The following RABL6 variants were observed in gnomAD, a reference collection of about 807,000 sequenced individuals.
RABL6 encodes rab-like protein 6.
Under a neutral mutation model 72.9 loss-of-function variants are expected in RABL6, and 28 were observed. That is an observed-to-expected ratio of 0.38 (90% CI 0.28 to 0.53). The LOEUF (loss-of-function observed/expected upper bound fraction) is 0.53, where lower values mean the gene tolerates loss of function less well. RABL6 is among the 20% of genes least tolerant of loss of function. The pLI, the probability that RABL6 is intolerant of heterozygous loss-of-function variation, is 0.80. For missense variants in RABL6, 1,029 were observed against 1,008.4 expected (o/e 1.02, Z -0.28); for synonymous variants, 477 against 421.2 (o/e 1.13, Z -1.62).
intron 1 of RABL6, among the ~76,000 whole-genome samples, chr9:136,816,842 A>G (rs1214872632): frequency 1.3e-5 from 2 of 152,046 alleles, no homozygotes; most frequent in African/African-American, 4.8e-5. Flanking sequence ...GCCATATAGT[A>G]GGTGTGTATA....
intron 1 of RABL6, chr9:136,813,080 C>T: frequency 5.2e-6 from 2 of 387,588 alleles, no homozygotes; most frequent in Middle Eastern, 8.8e-4. Context: ...TTGGTGACTA[C>T]CCTTGCCCAA....
chr9:136,828,456 G>A, intron 3 of RABL6, 38 bp from the exon 4 acceptor site: 1 of 1,609,436 alleles, frequency 6.2e-7, no homozygotes, highest in Non-Finnish European at 8.5e-7. Flanking sequence ...CAAGGCCCAG[G>A]GGTTCCACCT....
intron 4 of RABL6, among the ~76,000 whole-genome samples, chr9:136,828,771 T>C (rs1848410957): frequency 6.6e-6 from 1 of 152,034 alleles, no homozygotes; most frequent in Non-Finnish European, 1.5e-5. Flanking sequence ...CTGACCCCTA[T>C]TTGCATTTGA....
intron 3 of RABL6, chr9:136,827,703 C>T (rs921457634): frequency 5.3e-5 from 8 of 152,296 alleles, no homozygotes; most frequent in African/African-American, 1.2e-4. Context: ...TGGGTTACAT[C>T]GTGGTGAGCA....
chr9:136,821,554 C>T, intron 1 of RABL6: 2 of 985,398 alleles, frequency 2.0e-6, no homozygotes, highest in Non-Finnish European at 2.4e-6. Flanking sequence ...GGCTGCTGCT[C>T]ATCTGGGGGG....
At chr9:136,822,334 CCCTTCCCTG>C (rs1350096626) in intron 1 of RABL6, among the ~76,000 whole-genome samples, 2 of 152,150 alleles carry the variant, frequency 1.3e-5, no homozygotes, top group African/African-American at 4.8e-5. Flanking sequence ...CAACCCGGCT[CCCTTCCCTG>C]GCTTCCCTGG....
chr9:136,828,430 T>C, intron 3 of RABL6, 64 bp from the exon 4 acceptor site: 1 of 1,559,848 alleles, frequency 6.4e-7, no homozygotes, highest in South Asian at 1.1e-5. Flanking sequence ...GGGGGGACCA[T>C]GCTCCTCCTA....
rs763256696 is a variant in RABL6, at chr9:136,837,404, G to A, written c.868G>A (p.Gly290Arg). 33 of 1,594,786 alleles carry A rather than the reference G, an allele frequency of 2.1e-5. No homozygotes were observed. The East Asian group carries it at 3.9e-4, about 19-fold the overall frequency. The change falls in exon 9 of 15, where the codon GGG (glycine) becomes AGG (arginine). Residue 290 changes from glycine to arginine, a missense_variant. Physicochemically the swap from Gly to Arg is moderately radical, Grantham distance 125. This residue lies in a region of RABL6 where 434 missense variants were observed against 536.1 expected (regional missense o/e 0.81). Coordinates refer to ENST00000311502, the MANE Select transcript of RABL6 (RefSeq NM_024718.5). Reference sequence around the variant, plus strand: ...CCATGCGTCCCCACTGGCGGCCAACGGGCAGAGCCCATCCCCGGGCTCCCA... The same window carrying A: ...CCATGCGTCCCCACTGGCGGCCAACAGGCAGAGCCCATCCCCGGGCTCCCA... ...RGHASPLAAN[G>R]QSPSPGSQSP...
Position 136,808,241 on chromosome 9 carries a change from G to A in RABL6, c.45G>A (p.Pro15=). Residue 15 remains proline, a synonymous_variant, in exon 1 of 15, where the codon CCG becomes CCA. Coordinates refer to ENST00000311502, the MANE Select transcript of RABL6 (RefSeq NM_024718.5). ...AGCTGGTGGGGTCGGACCAGGCCCC[G>A]GGCCGGGACAAGAACATCCCCGCCG... ...LKKLVGSDQA[P]GRDKNIPAGL... 17 of 1,564,716 alleles carry A rather than the reference G, an allele frequency of 1.1e-5. No individual in the cohort carries two copies. Among genetic ancestry groups the A allele is most frequent in the Non-Finnish European group, 1.4e-5 (16 of 1,157,164 alleles).
rs1429652469 is a variant in RABL6, at chr9:136,840,391, G to A, written c.2059G>A (p.Glu687Lys). The change falls in exon 15 of 15, where the codon GAG (glutamate) becomes AAG (lysine). Residue 687 changes from glutamate (E) to lysine (K), a missense_variant. Glu to Lys is a moderately conservative substitution (Grantham distance 56, BLOSUM62 1). Around this residue, in one of 2 missense-constraint regions of RABL6, gnomAD observed 595 missense variants for 472.4 expected, o/e 1.26. Coordinates refer to ENST00000311502, the MANE Select transcript of RABL6 (RefSeq NM_024718.5). ...CAAGGACAAGGAGGAGGGCAAGGAG[G>A]AGCGGCGACGGCGGCAGCAGCGGCC... The part of the protein sequence containing the change: ...KSKDKEEGKE[E>K]RRRRQQRPPR... The A allele has an allele frequency of 3.9e-6, 6 of 1,552,158 alleles. No homozygotes were observed. In the African/African-American group the frequency reaches 4.1e-5, roughly 11 times the overall value.
chr9:136,836,864 C>G, intron 8 of RABL6: 1 of 318,770 alleles, frequency 3.1e-6, no homozygotes, highest in South Asian at 2.6e-5. Flanking sequence ...TGTCCCCACC[C>G]TTTGGCACTG....
At chr9:136,821,580 A>G in intron 1 of RABL6, 1 of 985,332 alleles carries the variant, frequency 1.0e-6, no homozygotes, top group East Asian at 1.1e-4. Flanking sequence ...CGGCCGCCCG[A>G]CTGAGCCCAG....
At chr9:136,813,507 G>GT (rs1329865950) in intron 1 of RABL6, 23 of 440,590 alleles carry the variant, frequency 5.2e-5, no homozygotes, top group Middle Eastern at 4.3e-4. Flanking sequence ...TGTTCCCTGC[G>GT]TTTCTTCAGA....
intron 1 of RABL6, among the ~76,000 whole-genome samples, chr9:136,820,442 G>C (rs912506851): frequency 1.3e-5 from 2 of 151,564 alleles, no homozygotes; most frequent in African/African-American, 4.8e-5. Flanking sequence ...TGTGATCTTG[G>C]CTCACTGCAA....
rs558825871 is a variant in RABL6, at chr9:136,840,480, G to A, written c.2148G>A (p.Pro716=). The A allele has an allele frequency of 2.6e-4, 394 of 1,526,968 alleles. No homozygotes were observed. In the East Asian group the frequency reaches 2.9e-3, roughly 11 times the overall value. The allele number at this position is 1,526,968 out of a possible 1,614,324, so 94.6% of individuals were successfully genotyped here. A position where few individuals can be genotyped will look rare whatever the true frequency, so the allele number is the denominator to read the frequency against. ...AGGCTTTCCTGGGGGGCGGGGCCCC[G>A]GGCGGCCGCCACCCTGGGGGTGGCG... ...ELEAFLGGGA[P]GGRHPGGGDY... The change falls in exon 15 of 15, where the codon CCG becomes CCA. Residue 716 remains proline (P), a synonymous_variant. Transcript: ENST00000311502.
At chr9:136,824,326 GTTTTTTTTT>G (rs34760204) in intron 2 of RABL6, among the ~76,000 whole-genome samples, 8 of 75,056 alleles carry the variant, frequency 1.1e-4, no homozygotes, top group Non-Finnish European at 1.5e-4. Context: ...GTTTGGTTGG[GTTTTTTTTT>G]TTTTTTTTTT....
intron 1 of RABL6, among the ~76,000 whole-genome samples, chr9:136,822,354 C>A (rs1254402209): frequency 3.9e-5 from 6 of 152,164 alleles, no homozygotes. Flanking sequence ...GCTTCCCTGG[C>A]TCTCCCCTCC....
At chr9:136,810,699 G>A (rs1339649892) in intron 1 of RABL6, among the ~76,000 whole-genome samples, 5 of 152,044 alleles carry the variant, frequency 3.3e-5, no homozygotes, top group African/African-American at 9.7e-5. Flanking sequence ...CGGCCACCAC[G>A]CCCGGCTAAT....
chr9:136,838,010 C>T lies in RABL6; in HGVS notation c.1275C>T (p.Ser425=), dbSNP rs2811740. ...KVGAKAAQQD[S]DSDGEALGGN... ...GGGCCAAGGCTGCCCAGCAGGACAG[C>T]GACAGGTGAGGGGTGGGCCTGGGCC... Residue 425 remains serine, a synonymous_variant, in exon 10 of 15, where the codon AGC becomes AGT. Transcript: ENST00000311502. 0.19 allele frequency: 292,449 copies of T among 1,559,686 alleles called. 29,899 individuals are homozygous for T. Among genetic ancestry groups the T allele is most frequent in the Admixed American group, 0.24 (12,360 of 52,214 alleles).
Sources: allele counts gnomAD v4.1 joint callset (sites outside exome capture counted in the v4.1 genomes callset), GRCh38; gene constraint gnomAD v4.1.1; regional missense constraint gnomAD v4.1.1; transcripts MANE v1.5; gene names NCBI Gene and HGNC (gene_info 2026-07-23, HGNC 2026-07-21).